The following PPP2R5C variants were observed in gnomAD, a reference collection of about 807,000 sequenced individuals.
PPP2R5C encodes protein phosphatase 2 regulatory subunit B'gamma, also known as serine/threonine-protein phosphatase 2A 56 kDa regulatory subunit gamma isoform.
PPP2R5C carries 7 observed loss-of-function variants against 68.9 expected under a neutral mutation model. The ratio of observed to expected loss-of-function variants is 0.10; its 90% CI spans 0.06 to 0.19. The LOEUF (loss-of-function observed/expected upper bound fraction) is 0.19. Among genes scored for constraint, PPP2R5C ranks in the 10% least tolerant of loss-of-function variants. The probability of loss-of-function intolerance (pLI) is 1.00; values close to 1 mark genes in which losing one functional copy is unlikely to be tolerated. For missense variants in PPP2R5C, 348 were observed against 641.3 expected (o/e 0.54, Z 4.94); for synonymous variants, 210 against 222.2 (o/e 0.95, Z 0.49).
At chr14:101,765,734 ATTTTTT>A (rs544989366) in intron 2 of PPP2R5C, 14,115 of 114,974 alleles carry the variant, frequency 0.12, 591 homozygotes, top group Middle Eastern at 0.18. Context: ...TGCCCAGCTA[ATTTTTT>A]TTTTTTTTTT....
At chr14:101,779,701 C>T (rs1047142816) in intron 2 of PPP2R5C, among the ~76,000 whole-genome samples, 4 of 152,054 alleles carry the variant, frequency 2.6e-5, no homozygotes, top group African/African-American at 4.8e-5. Context: ...AACTTTCTCC[C>T]GCAGGCAGTG....
chr14:101,901,433 G>C (rs1003675972), intron 8 of PPP2R5C, among the ~76,000 whole-genome samples: 3 of 152,198 alleles, frequency 2.0e-5, no homozygotes, highest in African/African-American at 7.2e-5. Context: ...GCTGAAAGAG[G>C]AGGATCACTT....
intron 1 of PPP2R5C, among the ~76,000 whole-genome samples, chr14:101,854,597 C>T (rs994656802): frequency 6.6e-6 from 1 of 152,028 alleles, no homozygotes. Flanking sequence ...TGGAAATGCT[C>T]GGCACCAGAG....
intron 2 of PPP2R5C, among the ~76,000 whole-genome samples, chr14:101,776,022 G>GCCCCCCCCCCCCCCCCCCCCCCCCCCCC (rs34109579): frequency 1.4e-5 from 2 of 142,146 alleles, no homozygotes. Context: ...TTCAGATTGT[G>GCCCCCCCCCCCCCCCCCCCCCCCCCCCC]CCCCCCCCCC....
intron 1 of PPP2R5C, chr14:101,836,576 C>T (rs1426102337): frequency 1.9e-6 from 1 of 535,064 alleles, no homozygotes; most frequent in Non-Finnish European, 3.3e-6. Flanking sequence ...ACTTTAAATG[C>T]CTGGGGTGTT....
intron 1 of PPP2R5C, among the ~76,000 whole-genome samples, chr14:101,842,801 C>T (rs2041570151): frequency 2.3e-5 from 3 of 127,846 alleles, no homozygotes; most frequent in Non-Finnish European, 1.7e-5. Flanking sequence ...AGTTTTATTT[C>T]GCATGTATTT....
At chr14:101,912,364 G>A (rs1349620044) in intron 11 of PPP2R5C, 37 bp from the exon 14 acceptor site, 7 of 1,524,476 alleles carry the variant, frequency 4.6e-6, no homozygotes, top group Non-Finnish European at 6.2e-6. Context: ...TGTGTCTGAT[G>A]CATCTCTAAC....
intron 5 of PPP2R5C, among the ~76,000 whole-genome samples, chr14:101,887,425 C>T (rs1401662383): frequency 6.6e-6 from 1 of 152,196 alleles, no homozygotes; most frequent in African/African-American, 2.4e-5. Context: ...CATCCTGGAG[C>T]CAGGAGCCAC....
intron 2 of PPP2R5C, among the ~76,000 whole-genome samples, chr14:101,876,313 A>G (rs372385461): frequency 2.8e-4 from 43 of 152,218 alleles, no homozygotes; most frequent in African/African-American, 9.9e-4. Context: ...TGACATGAAT[A>G]AAACAGAGAA....
upstream of PPP2R5C, among the ~76,000 whole-genome samples, chr14:101,806,010 A>C (rs2039059515): frequency 1.3e-5 from 2 of 152,234 alleles, no homozygotes; most frequent in Admixed American, 1.3e-4. Flanking sequence ...GAATGTGCTT[A>C]ATGCCACAGA....
In PPP2R5C at chr14:101,781,265, G is replaced by T. The variant is rs2037671562; in HGVS notation, c.94-4753G>T. Among the ~76,000 whole-genome samples, 1 of 152,322 alleles carries T rather than the reference G, an allele frequency of 6.6e-6. No individual in the cohort carries two copies. Among genetic ancestry groups the T allele is most frequent in the East Asian group, 1.9e-4 (1 of 5,186 alleles). On this transcript the variant is annotated intron_variant, in intron 2 of 14. Transcript: ENST00000328724. The surrounding 1 kb of genome is among the most constrained non-coding windows in gnomAD (Gnocchi z 6.4). ...GGAGGAGGGCTTGTTTACAGCTGCC[G>T]TATTTCCCGGGACCCTGGCTTCTGT...
rs1455520565 is a variant in PPP2R5C at position 101,879,146 on chromosome 14, G to A, written c.295-3015G>A. 6.6e-6 allele frequency: 1 copy of A among 152,368 alleles called. No homozygotes were observed. Among genetic ancestry groups the A allele is most frequent in the Non-Finnish European group, 1.5e-5 (1 of 68,198 alleles). 9.4% of individuals were successfully genotyped at this position (152,368 alleles called of 1,614,324 possible). A position where few individuals can be genotyped will look rare whatever the true frequency, so the allele number is the denominator to read the frequency against. ...CTGTGGGAGAGGAGGGGAAGCAAGG[G>A]TGGCTCCGAGCCCCTCTTGCCCGCC... On this transcript the variant is annotated intron_variant, in intron 2 of 13. Coordinates refer to ENST00000334743, the Ensembl canonical transcript of PPP2R5C. The surrounding 1 kb of genome is among the most constrained non-coding windows in gnomAD (Gnocchi z 4.2).
chr14:101,871,465 G>A (rs1252793725), intron 2 of PPP2R5C, among the ~76,000 whole-genome samples: 3 of 152,044 alleles, frequency 2.0e-5, no homozygotes, highest in Admixed American at 6.6e-5. Context: ...GGATGGTCTC[G>A]ATCTCCTGAT....
chr14:101,824,915 C>G (rs977006714), intron 1 of PPP2R5C: 1 of 152,752 alleles, frequency 6.5e-6, no homozygotes, highest in Non-Finnish European at 1.5e-5. Flanking sequence ...ATGATTCAGC[C>G]TGTTGGGGTA....
intron 1 of PPP2R5C, among the ~76,000 whole-genome samples, chr14:101,848,120 A>G: frequency 6.6e-6 from 1 of 152,394 alleles, no homozygotes; most frequent in Middle Eastern, 3.4e-3. Context: ...GAATCTTTAT[A>G]TAAATAGAAA....
At chr14:101,875,017 G>C (rs753815111) in intron 2 of PPP2R5C, among the ~76,000 whole-genome samples, 2 of 152,240 alleles carry the variant, frequency 1.3e-5, no homozygotes, top group Non-Finnish European at 2.9e-5. Flanking sequence ...TGGGATTACA[G>C]GGGTGAGCCA....
chr14:101,761,526 TG>T (rs2036526070), upstream of PPP2R5C, among the ~76,000 whole-genome samples: 1 of 114,598 alleles, frequency 8.7e-6, no homozygotes, highest in South Asian at 3.0e-4. Context: ...TTAGGGTACG[TG>T]GGGGCGCGTC....
chr14:101,858,858 C>G (rs1409242388), intron 2 of PPP2R5C, among the ~76,000 whole-genome samples: 1 of 152,188 alleles, frequency 6.6e-6, no homozygotes, highest in Non-Finnish European at 1.5e-5. Context: ...CGAGTGTGCT[C>G]CCGACTGCTT....
Position 101,868,614 on chromosome 14 carries a change from A to G in PPP2R5C, c.294+11729A>G, listed in dbSNP as rs577696469. 1.5e-4 allele frequency among the ~76,000 whole-genome samples: 23 copies of G among 152,334 alleles called. No homozygotes were observed. In the South Asian group the frequency reaches 3.7e-3, roughly 25 times the overall value. On this transcript the variant is annotated intron_variant, in intron 2 of 13. Coordinates refer to ENST00000334743, the Ensembl canonical transcript of PPP2R5C. ...TTTAAATATGTACATTTAATTGTAT[A>G]TAAATTATATCTCAGTAAAGCTGGG... is the stretch of plus-strand genomic sequence containing the variant.
Sources: allele counts gnomAD v4.1 joint callset (sites outside exome capture counted in the v4.1 genomes callset), GRCh38; gene constraint gnomAD v4.1.1; non-coding constraint Gnocchi (gnomAD v3.1); transcripts MANE v1.5; gene names NCBI Gene and HGNC (gene_info 2026-07-23, HGNC 2026-07-21).